MAP7: variants seen among roughly 807,000 people sequenced by gnomAD.
MAP7 encodes ensconsin.
In MAP7, 52 loss-of-function variants were observed where a neutral mutation model predicts 94.8. The observed-to-expected ratio is 0.55, with a 90% CI of 0.44 to 0.69. The LOEUF (loss-of-function observed/expected upper bound fraction) is 0.69. Among genes scored for constraint, MAP7 ranks in the 30% least tolerant of loss-of-function variants. The pLI is 0.00. For missense variants in MAP7, 940 were observed against 964.6 expected (o/e 0.97, Z 0.34); for synonymous variants, 350 against 357.0 (o/e 0.98, Z 0.22).
In MAP7 at chr6:136,423,838, C is replaced by T. The variant is rs557329288; in HGVS notation, c.68-2039G>A. On this transcript the variant is annotated intron_variant, in intron 1 of 17. Transcript: ENST00000354570. ...TTGAGACAGTTTCGCTCTTGTTGCC[C>T]AGGCTGGAGTGCAATGGCATGATCT... Among the ~76,000 whole-genome samples the T allele has an allele frequency of 3.3e-5, 5 of 150,818 alleles. No homozygotes were observed. In the East Asian group the frequency reaches 9.7e-4, roughly 29 times the overall value.
chr6:136,524,209 A>C (rs1453941941), intron 1 of MAP7, among the ~76,000 whole-genome samples: 2 of 152,120 alleles, frequency 1.3e-5, no homozygotes, highest in Non-Finnish European at 2.9e-5. Flanking sequence ...GTGCCACTGC[A>C]CTCCAGCCTG....
intron 1 of MAP7, among the ~76,000 whole-genome samples, chr6:136,453,262 A>G (rs1418676943): frequency 6.6e-6 from 1 of 152,218 alleles, no homozygotes; most frequent in East Asian, 1.9e-4. Flanking sequence ...CGTGGGTATA[A>G]TTTCAAAACA....
At chr6:136,520,345 A>G (rs1678288130) in intron 1 of MAP7, among the ~76,000 whole-genome samples, 2 of 152,224 alleles carry the variant, frequency 1.3e-5, no homozygotes, top group South Asian at 2.1e-4. Context: ...TCTCTTTCCA[A>G]GTAGTTACCT....
intron 3 of MAP7, among the ~76,000 whole-genome samples, chr6:136,408,854 T>C (rs955370710): frequency 2.0e-5 from 3 of 152,200 alleles, no homozygotes; most frequent in Admixed American, 2.0e-4. Context: ...GTGTGCCCTT[T>C]GATTTTTTTT....
At chr6:136,377,612 G>T in intron 7 of MAP7, 143 bp downstream of exon 7, 1 of 610,154 alleles carries the variant, frequency 1.6e-6, no homozygotes, top group Non-Finnish European at 3.0e-6. Context: ...AACAATGACA[G>T]GGGTATGAAA....
intron 1 of MAP7, among the ~76,000 whole-genome samples, chr6:136,431,335 A>T (rs1341072452): frequency 1.3e-5 from 2 of 152,194 alleles, no homozygotes; most frequent in Non-Finnish European, 2.9e-5. Flanking sequence ...AAACAAAAAA[A>T]TGTGTTCCAC....
At chr6:136,537,013 T>C (rs1419911550) in intron 1 of MAP7, among the ~76,000 whole-genome samples, 1 of 152,222 alleles carries the variant, frequency 6.6e-6, no homozygotes, top group Non-Finnish European at 1.5e-5. Context: ...AAAGGTTTCT[T>C]GAAGACTTAC....
At chr6:136,496,756 A>G (rs1392510258) in intron 1 of MAP7, among the ~76,000 whole-genome samples, 1 of 147,754 alleles carries the variant, frequency 6.8e-6, no homozygotes, top group Non-Finnish European at 1.5e-5. Flanking sequence ...CCTGGCCAAC[A>G]AGGTGAAACC....
chr6:136,489,172 A>AT (rs56375752), intron 1 of MAP7, among the ~76,000 whole-genome samples: 1,938 of 150,130 alleles, frequency 0.013, 22 homozygotes, highest in East Asian at 0.021. Context: ...GACTAGTTGT[A>AT]TTTTTTTTTT....
chr6:136,508,199 C>A (rs1822160497), intron 1 of MAP7, among the ~76,000 whole-genome samples: 1 of 152,012 alleles, frequency 6.6e-6, no homozygotes, highest in African/African-American at 2.4e-5. Flanking sequence ...GTGGCGCATG[C>A]CTGTACTCTC....
At chr6:136,504,993 T>A (rs1202027031) in intron 1 of MAP7, among the ~76,000 whole-genome samples, 1 of 152,150 alleles carries the variant, frequency 6.6e-6, no homozygotes, top group African/African-American at 2.4e-5. Context: ...ATATTTAAAA[T>A]GTGTTTAAAA....
At chr6:136,344,370 C>A in intron 17 of MAP7, 132 bp from the exon 18 acceptor site, 1 of 371,114 alleles carries the variant, frequency 2.7e-6, no homozygotes, top group Admixed American at 4.7e-5. Flanking sequence ...TAAGAATAGG[C>A]AATTCTGTTA....
intron 1 of MAP7, among the ~76,000 whole-genome samples, chr6:136,447,073 G>A (rs956189284): frequency 6.6e-6 from 1 of 152,104 alleles, no homozygotes; most frequent in African/African-American, 2.4e-5. Context: ...TGTTCTATAT[G>A]CAATGAGACT....
chr6:136,513,586 A>G (rs1404682721), intron 1 of MAP7, among the ~76,000 whole-genome samples: 2 of 152,206 alleles, frequency 1.3e-5, no homozygotes, highest in Non-Finnish European at 2.9e-5. Context: ...GTTGGGGTCA[A>G]CTGCTTACAA....
intron 1 of MAP7, among the ~76,000 whole-genome samples, chr6:136,470,560 G>T (rs1042267046): frequency 6.6e-6 from 1 of 151,968 alleles, no homozygotes; most frequent in Non-Finnish European, 1.5e-5. Flanking sequence ...CTGCACATTA[G>T]GTCTCCAGAA....
chr6:136,434,791 C>G (rs149563422), intron 1 of MAP7, among the ~76,000 whole-genome samples: 1 of 152,320 alleles, frequency 6.6e-6, no homozygotes, highest in African/African-American at 2.4e-5. Flanking sequence ...TCTGCCAACT[C>G]TCAAAGGCAC....
intron 8 of MAP7, among the ~76,000 whole-genome samples, chr6:136,366,812 T>A (rs1200883260): frequency 6.7e-6 from 1 of 149,160 alleles, no homozygotes; most frequent in Non-Finnish European, 1.5e-5. Flanking sequence ...TTTTAAAAAA[T>A]TTTAATTAAA....
At chr6:136,543,352 G>C (rs1216201800) in intron 1 of MAP7, among the ~76,000 whole-genome samples, 1 of 152,158 alleles carries the variant, frequency 6.6e-6, no homozygotes, top group Non-Finnish European at 1.5e-5. Flanking sequence ...AGACTCAAAA[G>C]GTTACACAAT....
chr6:136,467,104 T>C (rs1023016139), intron 1 of MAP7, among the ~76,000 whole-genome samples: 1 of 152,098 alleles, frequency 6.6e-6, no homozygotes, highest in Non-Finnish European at 1.5e-5. Context: ...GGTTAAGAAA[T>C]GGTTGCTAAA....
Sources: allele counts gnomAD v4.1 joint callset (sites outside exome capture counted in the v4.1 genomes callset), GRCh38; gene constraint gnomAD v4.1.1; transcripts MANE v1.5; gene names NCBI Gene and HGNC (gene_info 2026-07-23, HGNC 2026-07-21).